SMG6: variants seen among roughly 807,000 people sequenced by gnomAD.
SMG6 encodes the protein SMG6 nonsense mediated mRNA decay factor, also known as telomerase-binding protein EST1A.
Under a neutral mutation model 142.2 loss-of-function variants are expected in SMG6, and 66 were observed. That is an observed-to-expected ratio of 0.46 (90% CI 0.38 to 0.57). The LOEUF (loss-of-function observed/expected upper bound fraction) is 0.57, where lower values mean the gene tolerates loss of function less well. Ranked by LOEUF, SMG6 falls within the 20% of genes least tolerant of loss-of-function variation. The pLI is 0.00. For missense variants in SMG6, 1,793 were observed against 1,832.0 expected (o/e 0.98, Z 0.39); for synonymous variants, 779 against 702.4 (o/e 1.11, Z -1.72).
chr17:2,112,906 C>T (rs1013163915), intron 13 of SMG6, among the ~76,000 whole-genome samples: 9 of 151,396 alleles, frequency 5.9e-5, no homozygotes, highest in African/African-American at 1.9e-4. Context: ...CACAGACATG[C>T]GTCACCATGC....
chr17:2,236,730 C>T, intron 9 of SMG6, 93 bp from the exon 10 acceptor site: 2 of 1,370,678 alleles, frequency 1.5e-6, no homozygotes, highest in Non-Finnish European at 1.9e-6. Flanking sequence ...CACACACACA[C>T]ACACACACAC....
chr17:2,250,884 G>A (rs756717218), intron 8 of SMG6, among the ~76,000 whole-genome samples: 12 of 152,042 alleles, frequency 7.9e-5, no homozygotes, highest in South Asian at 2.1e-4. Flanking sequence ...GGATGTGGGC[G>A]CACTGGTGAT....
At position 2,121,583 on chromosome 17, in the gene SMG6, C is replaced by CTGTGTGTGTGTGTG. The variant is rs1173330822; in HGVS notation, c.3358-35683_3358-35682insCACACACACACACA. ...CACATATATGTATATATGTACATGT[C>CTGTGTGTGTGTGTG]TGTCTGTGTGTGTGTGTGTGTGTGT... On this transcript the variant is annotated intron_variant, in intron 13 of 18. Transcript: ENST00000263073. 1.4e-4 allele frequency among the ~76,000 whole-genome samples: 17 copies of CTGTGTGTGTGTGTG among 118,294 alleles called. 1 individual carries two copies. The South Asian group carries it at 1.5e-3, about 10-fold the overall frequency. The allele number at this position is 118,294 out of a possible 152,430, so 77.6% of individuals were successfully genotyped here.
chr17:2,126,890 A>ACACACACG (rs1173760966), intron 13 of SMG6, among the ~76,000 whole-genome samples: 2 of 133,800 alleles, frequency 1.5e-5, no homozygotes, highest in Non-Finnish European at 3.2e-5. Context: ...CTATTTCTAC[A>ACACACACG]CACACACGCA....
intron 13 of SMG6, among the ~76,000 whole-genome samples, chr17:2,170,244 T>C (rs1042643065): frequency 6.6e-6 from 1 of 152,128 alleles, no homozygotes; most frequent in African/African-American, 2.4e-5. Flanking sequence ...GATCACTACA[T>C]AGGCTGAGGG....
intron 9 of SMG6, among the ~76,000 whole-genome samples, chr17:2,242,854 A>G (rs570289000): frequency 6.6e-6 from 1 of 152,294 alleles, no homozygotes; most frequent in African/African-American, 2.4e-5. Flanking sequence ...ACAGCCTTAC[A>G]TTACTCACTA....
At chr17:2,281,197 C>T (rs2074777976) in intron 8 of SMG6, among the ~76,000 whole-genome samples, 1 of 152,134 alleles carries the variant, frequency 6.6e-6, no homozygotes, top group South Asian at 2.1e-4. Flanking sequence ...TGGATCATAG[C>T]TCATGACATC....
intron 8 of SMG6, among the ~76,000 whole-genome samples, chr17:2,257,015 G>A (rs2074198258): frequency 6.6e-6 from 1 of 151,670 alleles, no homozygotes; most frequent in South Asian, 2.1e-4. Context: ...TCACTCTGTT[G>A]CCCAGGCTGG....
At chr17:2,142,277 T>A (rs2070505379) in intron 13 of SMG6, among the ~76,000 whole-genome samples, 1 of 152,186 alleles carries the variant, frequency 6.6e-6, no homozygotes, top group South Asian at 2.1e-4. Flanking sequence ...GCAAGGACAA[T>A]CAAATCATAG....
At chr17:2,129,256 G>A (rs779514806) in intron 13 of SMG6, among the ~76,000 whole-genome samples, 4 of 152,158 alleles carry the variant, frequency 2.6e-5, no homozygotes, top group Non-Finnish European at 4.4e-5. Context: ...CAGGGAGGTC[G>A]AGGCTGCAGT....
intron 13 of SMG6, among the ~76,000 whole-genome samples, chr17:2,144,137 C>A (rs1265565446): frequency 7.3e-6 from 1 of 136,888 alleles, no homozygotes; most frequent in African/African-American, 2.7e-5. Flanking sequence ...CGGCTCACTG[C>A]AATGTCCGCC....
At chr17:2,199,438 G>A (rs2072442384) in intron 10 of SMG6, among the ~76,000 whole-genome samples, 1 of 151,850 alleles carries the variant, frequency 6.6e-6, no homozygotes, top group Non-Finnish European at 1.5e-5. Flanking sequence ...TTCGAGACCA[G>A]CCTAGGCAAT....
At chr17:2,293,545 C>T (rs1230550039) in intron 4 of SMG6, among the ~76,000 whole-genome samples, 2 of 152,200 alleles carry the variant, frequency 1.3e-5, no homozygotes, top group Non-Finnish European at 2.9e-5. Flanking sequence ...TCTCAGCTCA[C>T]TGCAACCTCC....
At chr17:2,245,844 C>A (rs1208750583) in intron 8 of SMG6, among the ~76,000 whole-genome samples, 1 of 152,078 alleles carries the variant, frequency 6.6e-6, no homozygotes, top group Middle Eastern at 3.4e-3. Flanking sequence ...CCACACCTAG[C>A]TAATTTTTAA....
At chr17:2,254,129 T>C (rs1198794234) in intron 8 of SMG6, among the ~76,000 whole-genome samples, 3 of 152,198 alleles carry the variant, frequency 2.0e-5, no homozygotes, top group African/African-American at 4.8e-5. Flanking sequence ...ACTGAGTTAC[T>C]TTCTGAATGA....
chr17:2,253,628 C>G (rs1235341779), intron 8 of SMG6, among the ~76,000 whole-genome samples: 1 of 152,106 alleles, frequency 6.6e-6, no homozygotes, highest in Non-Finnish European at 1.5e-5. Flanking sequence ...CCTCCGCCAC[C>G]AGAATATTCT....
chr17:2,175,815 G>A (rs971798715), intron 12 of SMG6, among the ~76,000 whole-genome samples: 1 of 152,202 alleles, frequency 6.6e-6, no homozygotes, highest in Admixed American at 6.5e-5. Flanking sequence ...TCAATGAGAG[G>A]TCACTTCTGC....
intron 15 of SMG6, among the ~76,000 whole-genome samples, chr17:2,074,143 C>G (rs1024684526): frequency 2.6e-5 from 4 of 152,128 alleles, no homozygotes; most frequent in Non-Finnish European, 5.9e-5. Flanking sequence ...GTGGTGCGAT[C>G]ACAGGTCACT....
intron 8 of SMG6, among the ~76,000 whole-genome samples, chr17:2,252,235 C>T (rs1367703000): frequency 6.6e-6 from 1 of 152,036 alleles, no homozygotes; most frequent in East Asian, 1.9e-4. Flanking sequence ...AACGGTGAAA[C>T]CCCGTCTCTA....
Sources: allele counts gnomAD v4.1 joint callset (sites outside exome capture counted in the v4.1 genomes callset), GRCh38; gene constraint gnomAD v4.1.1; transcripts MANE v1.5; gene names NCBI Gene and HGNC (gene_info 2026-07-23, HGNC 2026-07-21).